ATM: variants seen among roughly 807,000 people sequenced by gnomAD.
ATM encodes ATM serine/threonine kinase.
ATM carries 308 observed loss-of-function variants against 387.0 expected under a neutral mutation model. The ratio of observed to expected loss-of-function variants is 0.80; its 90% CI spans 0.73 to 0.87. ATM has a LOEUF of 0.87. ATM is among the 40% of genes least tolerant of loss of function. The probability of loss-of-function intolerance (pLI) is 0.00; values close to 1 mark genes in which losing one functional copy is unlikely to be tolerated. For missense variants in ATM, 3,312 were observed against 3,560.9 expected (o/e 0.93, Z 1.78); for synonymous variants, 1,156 against 1,187.3 (o/e 0.97, Z 0.54).
rs876658989 is a variant in ATM at position 108,310,264 on chromosome 11, T to A, written c.5867T>A (p.Leu1956His). Residue 1956 changes from leucine to histidine, a missense_variant, in exon 39 of 63, where the codon CTC becomes CAC. Leu to His is a moderately conservative substitution (Grantham distance 99). Coordinates refer to ENST00000675843, the MANE Select transcript of ATM (RefSeq NM_000051.4). The stretch of plus-strand genomic sequence containing the variant: ...TGTGCTGCTCACTTTACAGCTTTAC[T>A]CTATGCAGAAATCTATGCAGATAAG... Reference protein sequence around the residue: ...QSCAAHFTALLYAEIYADKKS... With the variant: ...QSCAAHFTALHYAEIYADKKS... The A allele has an allele frequency of 9.9e-6, 16 of 1,613,476 alleles. No individual in the cohort carries two copies. In the East Asian group the frequency reaches 3.6e-4, roughly 36 times the overall value.
At chr11:108,231,422 G>A (rs1219655117) in intron 4 of ATM, 3 of 152,076 alleles carry the variant, frequency 2.0e-5, no homozygotes, top group Admixed American at 6.6e-5. Context: ...AGTGTGAGGC[G>A]CGGTTGCTCA....
intron 16 of ATM, among the ~76,000 whole-genome samples, chr11:108,266,267 A>C (rs2081231667): frequency 6.6e-6 from 1 of 151,686 alleles, no homozygotes; most frequent in Non-Finnish European, 1.5e-5. Flanking sequence ...GGATTAAGAA[A>C]CTGTGGCACA....
intron 5 of ATM, among the ~76,000 whole-genome samples, chr11:108,239,228 A>G (rs1267458569): frequency 6.6e-6 from 1 of 152,216 alleles, no homozygotes; most frequent in African/African-American, 2.4e-5. Context: ...ATACAGTTCA[A>G]AGTCAGTAGT....
intron 42 of ATM, among the ~76,000 whole-genome samples, chr11:108,316,841 G>A (rs1467694019): frequency 6.6e-6 from 1 of 151,752 alleles, no homozygotes; most frequent in Non-Finnish European, 1.5e-5. Flanking sequence ...CAGGAGAATG[G>A]CGTGAACCTG....
At chr11:108,343,504 G>A in intron 57 of ATM, 133 bp downstream of exon 57, 1 of 1,065,018 alleles carries the variant, frequency 9.4e-7, no homozygotes, top group Non-Finnish European at 1.4e-6. Flanking sequence ...CTAAGTAAAA[G>A]AAAAACTCAT....
At chr11:108,262,086 C>A (rs1239685224) in intron 16 of ATM, among the ~76,000 whole-genome samples, 2 of 149,806 alleles carry the variant, frequency 1.3e-5, no homozygotes, top group Non-Finnish European at 2.9e-5. Flanking sequence ...AGAACTTCCG[C>A]AATCTAGCAA....
chr11:108,268,678 C>CA (rs2081404700), intron 18 of ATM, 69 bp downstream of exon 18: 2 of 1,479,064 alleles, frequency 1.4e-6, no homozygotes, highest in Non-Finnish European at 1.9e-6. Flanking sequence ...AATGAGTTGA[C>CA]ATGTAAGAAT....
chr11:108,297,531 G>A, intron 33 of ATM, 149 bp downstream of exon 33: 1 of 708,482 alleles, frequency 1.4e-6, no homozygotes, highest in East Asian at 2.7e-5. Flanking sequence ...GCCTAGGTGT[G>A]TAGTAGGCTA....
chr11:108,233,086 T>C (rs2079099646), intron 4 of ATM, among the ~76,000 whole-genome samples: 1 of 152,188 alleles, frequency 6.6e-6, no homozygotes, highest in Non-Finnish European at 1.5e-5. Context: ...TGTCTCGAAC[T>C]CCTGACCTCA....
chr11:108,330,573 G>A (rs1215191074), intron 50 of ATM, 152 bp downstream of exon 50: 2 of 832,126 alleles, frequency 2.4e-6, no homozygotes, highest in Non-Finnish European at 4.0e-6. Context: ...TCTAAACTTT[G>A]ATCCATATTT....
At chr11:108,262,023 T>G (rs2080923224) in intron 16 of ATM, among the ~76,000 whole-genome samples, 1 of 152,150 alleles carries the variant, frequency 6.6e-6, no homozygotes, top group African/African-American at 2.4e-5. Context: ...CACCTGAAAG[T>G]AACGGGGAGA....
chr11:108,332,860 A>G lies in ATM; in HGVS notation c.7887A>G (p.Ile2629Met), dbSNP rs752886000. ...SVEALCDAYI[I>M]LANLDATQWK... ...AGGCACTTTGTGATGCTTATATTAT[A>G]TTAGCAAACTTAGATGCCACTCAGT... Residue 2629 changes from isoleucine to methionine, a missense_variant, in exon 53 of 63, where the codon ATA becomes ATG. This residue lies in a region of ATM where 1,405 missense variants were observed against 1,604.4 expected (regional missense o/e 0.88). Transcript: ENST00000675843. 3.1e-6 allele frequency: 5 copies of G among 1,613,298 alleles called. No homozygotes were observed. The highest frequency in any genetic ancestry group is 4.2e-6 in the Non-Finnish European group (5 of 1,179,720).
chr11:108,347,974 G>A (rs2088662864), intron 59 of ATM, among the ~76,000 whole-genome samples: 1 of 152,192 alleles, frequency 6.6e-6, no homozygotes, highest in African/African-American at 2.4e-5. Flanking sequence ...TACTAAAGTT[G>A]TAGAAACCAG....
intron 16 of ATM, among the ~76,000 whole-genome samples, chr11:108,261,000 C>T (rs1246294677): frequency 6.6e-6 from 1 of 152,154 alleles, no homozygotes; most frequent in Non-Finnish European, 1.5e-5. Context: ...CCCACGGAGT[C>T]TCGCTGATTG....
intron 13 of ATM, among the ~76,000 whole-genome samples, chr11:108,255,825 A>G (rs1291676944): frequency 6.6e-6 from 1 of 152,208 alleles, no homozygotes; most frequent in African/African-American, 2.4e-5. Flanking sequence ...AGAAGCTTAA[A>G]ATGTCATTTT....
intron 24 of ATM, among the ~76,000 whole-genome samples, chr11:108,282,435 C>T (rs1450959451): frequency 1.3e-5 from 2 of 152,256 alleles, no homozygotes; most frequent in African/African-American, 4.8e-5. Flanking sequence ...AGTAATTTTA[C>T]ATTAAATCTT....
At chr11:108,337,611 G>C (rs2086993476) in intron 56 of ATM, among the ~76,000 whole-genome samples, 1 of 152,182 alleles carries the variant, frequency 6.6e-6, no homozygotes, top group African/African-American at 2.4e-5. Flanking sequence ...ACAACACTTT[G>C]AGACCCACCA....
chr11:108,364,018 C>T (rs1343855562), intron 61 of ATM, among the ~76,000 whole-genome samples: 1 of 152,132 alleles, frequency 6.6e-6, no homozygotes, highest in East Asian at 1.9e-4. Flanking sequence ...AAACCTTGAA[C>T]TTAACGGACA....
chr11:108,312,463 GA>G lies in ATM; in HGVS notation c.5977del (p.Ser1993ValfsTer7). The G allele has an allele frequency of 6.3e-7, 1 of 1,594,342 alleles. No homozygotes were observed. The highest frequency in any genetic ancestry group is 8.6e-7 in the Non-Finnish European group (1 of 1,162,536). The part of the protein sequence containing the change: ...SQSTTISSLS[E>X]KSKEETGISL... The stretch of plus-strand genomic sequence containing the variant: ...GAGTACAACTATTTCTAGCTTGAGT[GA>G]AAAAAGTAAAGAAGAAACTGGAATA... On this transcript the variant is annotated frameshift_variant, in exon 40 of 63. Coordinates refer to ENST00000675843, the MANE Select transcript of ATM (RefSeq NM_000051.4). LOFTEE classifies it high-confidence loss of function.
Sources: allele counts gnomAD v4.1 joint callset (sites outside exome capture counted in the v4.1 genomes callset), GRCh38; gene constraint gnomAD v4.1.1; regional missense constraint gnomAD v4.1.1; transcripts MANE v1.5; gene names NCBI Gene and HGNC (gene_info 2026-07-23, HGNC 2026-07-21).